The following PODXL variants were observed in gnomAD, a reference collection of about 807,000 sequenced individuals.
PODXL encodes the protein podocalyxin.
A neutral mutation model predicts 48.9 loss-of-function variants in PODXL; 20 were observed. The observed-to-expected ratio is 0.41, with a 90% CI of 0.29 to 0.59. The LOEUF (loss-of-function observed/expected upper bound fraction) is 0.59, where lower values mean the gene tolerates loss of function less well. Ranked by LOEUF, PODXL falls within the 20% of genes least tolerant of loss-of-function variation. PODXL has a pLI of 0.31. For missense variants in PODXL, 606 were observed against 675.1 expected (o/e 0.90, Z 1.13); for synonymous variants, 295 against 287.4 (o/e 1.03, Z -0.27).
chr7:131,521,219 G>A (rs1562908366), intron 1 of PODXL, among the ~76,000 whole-genome samples: 1 of 151,930 alleles, frequency 6.6e-6, no homozygotes, highest in Non-Finnish European at 1.5e-5. Context: ...CTGAGGTCAT[G>A]AAGAAAACAA....
chr7:131,556,237 C>A, intron 1 of PODXL, 23 bp downstream of exon 1: 1 of 1,459,402 alleles, frequency 6.9e-7, no homozygotes, highest in Non-Finnish European at 9.0e-7. Flanking sequence ...GGAGTCCCGG[C>A]GGAACCCAGG....
rs35142409 is a variant in PODXL at position 131,541,672 on chromosome 7, C to CAA, written c.100+14586_100+14587dup. Among the ~76,000 whole-genome samples the CAA allele has an allele frequency of 4.9e-3, 471 of 95,644 alleles. 3 individuals carry two copies. The highest frequency in any genetic ancestry group is 0.043 in the South Asian group (133 of 3,106). The allele number at this position is 95,644 out of a possible 152,430, so 62.7% of individuals were successfully genotyped here. A position where few individuals can be genotyped will look rare whatever the true frequency, so the allele number is the denominator to read the frequency against. ...TGGGCAACAGAGCGAGACTCCGTCT[C>CAA]AAAAAAAAAAAAAAAAGACAAACAA... is the stretch of plus-strand genomic sequence containing the variant. On this transcript the variant is annotated intron_variant, in intron 1 of 8. Coordinates refer to ENST00000378555, the MANE Select transcript of PODXL (RefSeq NM_001018111.3).
chr7:131,543,136 A>C (rs1001451933), intron 1 of PODXL, among the ~76,000 whole-genome samples: 1 of 152,094 alleles, frequency 6.6e-6, no homozygotes, highest in African/African-American at 2.4e-5. Flanking sequence ...TTTCATATTT[A>C]TTTAAAGATA....
chr7:131,511,816 A>T (rs886081324), intron 1 of PODXL, among the ~76,000 whole-genome samples: 2 of 152,188 alleles, frequency 1.3e-5, no homozygotes, highest in African/African-American at 4.8e-5. Flanking sequence ...ATTCTGCTGA[A>T]GGCGAGCCCA....
At chr7:131,516,396 G>A (rs564667914) in intron 1 of PODXL, among the ~76,000 whole-genome samples, 20 of 152,196 alleles carry the variant, frequency 1.3e-4, no homozygotes, top group East Asian at 7.7e-4. Flanking sequence ...AAAATTAGCC[G>A]GGCGTGTTGG....
At position 131,556,623 on chromosome 7, in the gene PODXL, C is replaced by T. The variant is rs946770215; in HGVS notation, c.-264G>A. 6.0e-3 allele frequency: 1,434 copies of T among 237,698 alleles called. 14 individuals are homozygous for T. The highest frequency in any genetic ancestry group is 8.3e-3 in the Non-Finnish European group (1,049 of 126,846). The allele number at this position is 237,698 out of a possible 1,614,324, so 14.7% of individuals were successfully genotyped here. Reference sequence around the variant, plus strand: ...TGGGCGGCGTCTGCGCGGCTGCGGCCCCACTGGCGGCTGCGGCTACTCCTG... The same window carrying T: ...TGGGCGGCGTCTGCGCGGCTGCGGCTCCACTGGCGGCTGCGGCTACTCCTG... On this transcript the variant is annotated 5_prime_UTR_variant, in exon 1 of 9. Transcript: ENST00000378555.
chr7:131,509,789 T>C (rs773128750), intron 3 of PODXL, among the ~76,000 whole-genome samples: 11 of 152,080 alleles, frequency 7.2e-5, no homozygotes, highest in Non-Finnish European at 1.0e-4. Context: ...AGCACTTAAC[T>C]TTGTGCAAGG....
chr7:131,551,254 A>G (rs1225778204), intron 1 of PODXL, among the ~76,000 whole-genome samples: 1 of 152,094 alleles, frequency 6.6e-6, no homozygotes, highest in Non-Finnish European at 1.5e-5. Context: ...CATGATAAAG[A>G]GAGGCCCATC....
rs1422766580 is a variant in PODXL at position 131,504,474 on chromosome 7, T to C, written c.1514A>G (p.Asn505Ser). ...RLTEELQTVE[N>S]GYHDNPTLEV... ...CAGTGTTGGGTTGTCATGGTAACCA[T>C]TCTCCACTGTCTGCAGCTCCTCTGT... Residue 505 changes from asparagine to serine, a missense_variant, in exon 9 of 9, where the codon AAT becomes AGT. Asn to Ser is a conservative substitution (Grantham distance 46). Transcript: ENST00000378555. The C allele has an allele frequency of 6.2e-7, 1 of 1,614,062 alleles. No individual in the cohort carries two copies. Among genetic ancestry groups the C allele is most frequent in the African/African-American group, 1.3e-5 (1 of 74,930 alleles).
intron 1 of PODXL, among the ~76,000 whole-genome samples, chr7:131,525,276 T>C (rs1399663201): frequency 1.3e-5 from 2 of 151,466 alleles, no homozygotes; most frequent in African/African-American, 4.8e-5. Context: ...ACTATGAAAA[T>C]CAATTTAACT....
chr7:131,537,216 G>A (rs1457427854), intron 1 of PODXL, among the ~76,000 whole-genome samples: 1 of 152,042 alleles, frequency 6.6e-6, no homozygotes, highest in Non-Finnish European at 1.5e-5. Context: ...CAGGGCTGAG[G>A]TGGGAGAATT....
chr7:131,555,369 A>G (rs969875264), intron 1 of PODXL, among the ~76,000 whole-genome samples: 3 of 152,160 alleles, frequency 2.0e-5, no homozygotes, highest in Non-Finnish European at 4.4e-5. Flanking sequence ...GTTCTGGTTG[A>G]GTTTGCAGCC....
chr7:131,533,143 C>A (rs896560410), intron 1 of PODXL, among the ~76,000 whole-genome samples: 1 of 152,178 alleles, frequency 6.6e-6, no homozygotes, highest in South Asian at 2.1e-4. Flanking sequence ...CGCCCCTTAC[C>A]CCCACACAGG....
At chr7:131,532,451 ATT>A (rs1360174294) in intron 1 of PODXL, among the ~76,000 whole-genome samples, 3,643 of 144,498 alleles carry the variant, frequency 0.025, 80 homozygotes, top group Middle Eastern at 0.093. Context: ...AAAAAAAAAA[ATT>A]AAAAATAAAT....
intron 1 of PODXL, among the ~76,000 whole-genome samples, chr7:131,538,446 A>C (rs1429322534): frequency 2.0e-5 from 3 of 152,080 alleles, no homozygotes; most frequent in African/African-American, 7.2e-5. Context: ...ACCTGATGAA[A>C]ATCAGGCCCA....
At position 131,503,804 on chromosome 7, in the gene PODXL, C is replaced by CCAGGATGT. The variant is rs1797752418; in HGVS notation, c.*499_*506dup. The CCAGGATGT allele has an allele frequency of 6.3e-6, 1 of 159,856 alleles. No homozygotes were observed. The highest frequency in any genetic ancestry group is 2.4e-5 in the African/African-American group (1 of 41,482). 9.9% of individuals were successfully genotyped at this position (159,856 alleles called of 1,614,324 possible). On this transcript the variant is annotated 3_prime_UTR_variant, in exon 9 of 9. Coordinates refer to ENST00000378555, the MANE Select transcript of PODXL (RefSeq NM_001018111.3). ...TTTCAGGTCGTCAGATCCCACCGAG[C>CCAGGATGT]CAGGATGTAGCCCTGCCCTCCTTTC... is the stretch of plus-strand genomic sequence containing the variant.
At chr7:131,505,838 T>C in intron 8 of PODXL, 30 bp downstream of exon 8, 1 of 1,538,796 alleles carries the variant, frequency 6.5e-7, no homozygotes, top group Non-Finnish European at 8.8e-7. Context: ...CTGGGCTGCT[T>C]CCCCTGTGTG....
chr7:131,544,889 C>G (rs920255059), intron 1 of PODXL, among the ~76,000 whole-genome samples: 3 of 152,208 alleles, frequency 2.0e-5, no homozygotes, highest in East Asian at 1.9e-4. Flanking sequence ...GAGACCCATG[C>G]ACTCAGCAGG....
rs766359468 is a variant in PODXL, at chr7:131,504,525, G to A, written c.1480-17C>T. The A allele has an allele frequency of 6.2e-6, 10 of 1,611,886 alleles. No homozygotes were observed. The highest frequency in any genetic ancestry group is 7.6e-6 in the Non-Finnish European group (9 of 1,178,004). Reference sequence around the variant, plus strand: ...TAGCCGCTGCTAGAGTGGGGAAGGTGACCGGTGAGAAGGGGGTTTCAGAGG... The same window carrying A: ...TAGCCGCTGCTAGAGTGGGGAAGGTAACCGGTGAGAAGGGGGTTTCAGAGG... On this transcript the variant is annotated splice_polypyrimidine_tract_variant and intron_variant, in intron 8 of 8. Transcript: ENST00000378555.
Sources: gnomAD v4.1 joint callset for allele counts (sites outside exome capture counted in the v4.1 genomes callset) on GRCh38, gnomAD v4.1.1 for gene constraint, MANE v1.5 for transcripts, NCBI Gene and HGNC (gene_info 2026-07-23, HGNC 2026-07-21) for gene names.